The following ZNF385D variants were observed in gnomAD, a reference collection of about 807,000 sequenced individuals.
ZNF385D encodes zinc finger protein 385D, also known as zinc finger protein 659.
ZNF385D carries 15 observed loss-of-function variants against 35.8 expected under a neutral mutation model. That is an observed-to-expected ratio of 0.42 (90% CI 0.28 to 0.64). The LOEUF is 0.64. ZNF385D is among the 30% of genes least tolerant of loss of function. ZNF385D has a pLI of 0.23. For missense variants in ZNF385D, 474 were observed against 494.6 expected (o/e 0.96, Z 0.39); for synonymous variants, 212 against 186.8 (o/e 1.13, Z -1.10).
chr3:21,604,717 T>C (rs1264440526), intron 2 of ZNF385D, among the ~76,000 whole-genome samples: 2 of 151,870 alleles, frequency 1.3e-5, no homozygotes, highest in Admixed American at 6.6e-5. Flanking sequence ...GGAAACTAGG[T>C]TGTAAGAGTC....
intron 3 of ZNF385D, among the ~76,000 whole-genome samples, chr3:21,973,298 T>G (rs907413716): frequency 6.6e-6 from 1 of 151,884 alleles, no homozygotes; most frequent in African/African-American, 2.4e-5. Context: ...CTTATATCAG[T>G]AGAATGAAGG....
chr3:22,068,193 T>C (rs1170288698), intron 3 of ZNF385D, among the ~76,000 whole-genome samples: 4 of 152,142 alleles, frequency 2.6e-5, no homozygotes, highest in African/African-American at 7.2e-5. Flanking sequence ...AGTTGTAACA[T>C]TGTTCTCTTA....
intron 3 of ZNF385D, among the ~76,000 whole-genome samples, chr3:22,161,843 A>C (rs1705974685): frequency 6.6e-6 from 1 of 152,156 alleles, no homozygotes; most frequent in Admixed American, 6.6e-5. Flanking sequence ...AAATACCCAA[A>C]TGTATGGTAT....
intron 3 of ZNF385D, among the ~76,000 whole-genome samples, chr3:22,126,406 C>T (rs528747655): frequency 2.3e-5 from 3 of 129,568 alleles, no homozygotes; most frequent in Non-Finnish European, 4.8e-5. Flanking sequence ...TTTCCATTTT[C>T]ATTTACCTCA....
At chr3:21,644,689 A>C (rs750458420) in intron 2 of ZNF385D, among the ~76,000 whole-genome samples, 5 of 152,196 alleles carry the variant, frequency 3.3e-5, no homozygotes, top group Non-Finnish European at 7.3e-5. Context: ...TTTACAATAC[A>C]TACAACGGAG....
At chr3:22,194,007 T>C (rs1053383436) in intron 2 of ZNF385D, among the ~76,000 whole-genome samples, 24 of 151,920 alleles carry the variant, frequency 1.6e-4, no homozygotes, top group Non-Finnish European at 8.8e-5. Flanking sequence ...GCTATGACAA[T>C]TTTTATTTTT....
chr3:21,564,535 A>T, intron 3 of ZNF385D, 39 bp downstream of exon 3: 1 of 1,130,026 alleles, frequency 8.8e-7, no homozygotes, highest in Non-Finnish European at 1.2e-6. Flanking sequence ...AGCAAAATGT[A>T]TTTTTTTTTT....
intron 3 of ZNF385D, among the ~76,000 whole-genome samples, chr3:21,783,207 T>A (rs1404595338): frequency 6.6e-6 from 1 of 152,122 alleles, no homozygotes; most frequent in Non-Finnish European, 1.5e-5. Context: ...CTGAAACAAC[T>A]TGAAAAATGA....
intron 1 of ZNF385D, among the ~76,000 whole-genome samples, chr3:21,689,276 G>A (rs1319314160): frequency 6.6e-6 from 1 of 151,922 alleles, no homozygotes; most frequent in Non-Finnish European, 1.5e-5. Context: ...TGTTTACCTT[G>A]TGCATCACCA....
intron 2 of ZNF385D, among the ~76,000 whole-genome samples, chr3:22,317,745 G>T (rs1217821082): frequency 6.6e-6 from 1 of 152,098 alleles, no homozygotes; most frequent in Admixed American, 6.6e-5. Flanking sequence ...TAATAAATTT[G>T]CATCACTTTT....
intron 2 of ZNF385D, among the ~76,000 whole-genome samples, chr3:22,292,532 T>C (rs1702352294): frequency 6.6e-6 from 1 of 152,102 alleles, no homozygotes; most frequent in South Asian, 2.1e-4. Context: ...GTGAGAGATT[T>C]TGTAGACCTC....
intron 3 of ZNF385D, among the ~76,000 whole-genome samples, chr3:22,047,303 G>A (rs1379016681): frequency 2.0e-5 from 3 of 151,968 alleles, no homozygotes; most frequent in Admixed American, 2.0e-4. Flanking sequence ...CAATTTTCAA[G>A]TATATAATAT....
chr3:22,259,100 C>T (rs1482608014), intron 2 of ZNF385D, among the ~76,000 whole-genome samples: 1 of 151,880 alleles, frequency 6.6e-6, no homozygotes, highest in Non-Finnish European at 1.5e-5. Flanking sequence ...CTACCTTGCT[C>T]TTTGAGTAAA....
At chr3:21,476,557 T>TA (rs1491224767) in intron 4 of ZNF385D, among the ~76,000 whole-genome samples, 1 of 151,458 alleles carries the variant, frequency 6.6e-6, no homozygotes, top group African/African-American at 2.4e-5. Context: ...CAGGGTGGGG[T>TA]ATGTGTGTGT....
intron 2 of ZNF385D, among the ~76,000 whole-genome samples, chr3:22,331,543 A>G (rs1490888227): frequency 6.6e-6 from 1 of 152,176 alleles, no homozygotes; most frequent in African/African-American, 2.4e-5. Flanking sequence ...TTTCATTAAC[A>G]CCCATGCTGT....
chr3:21,772,580 G>C (rs1432877366), intron 3 of ZNF385D, among the ~76,000 whole-genome samples: 1 of 151,874 alleles, frequency 6.6e-6, no homozygotes, highest in Admixed American at 6.6e-5. Flanking sequence ...AAGAGGAGGA[G>C]AAATTGAAAC....
Position 21,723,289 on chromosome 3 carries a change from A to G in ZNF385D, c.22+27606T>C, listed in dbSNP as rs186860128. On this transcript the variant is annotated intron_variant, in intron 1 of 7. Transcript: ENST00000281523. Reference sequence around the variant, plus strand: ...CTCGCCAGCAAGGAAACAAAACTGCATGGAGAATAAGTTTGACAAATTGAC... The same window carrying G: ...CTCGCCAGCAAGGAAACAAAACTGCGTGGAGAATAAGTTTGACAAATTGAC... Among the ~76,000 whole-genome samples, 527 of 152,316 alleles carry G rather than the reference A, an allele frequency of 3.5e-3. 4 individuals carry two copies. Among genetic ancestry groups the G allele is most frequent in the African/African-American group, 0.012 (499 of 41,568 alleles).
chr3:22,127,472 T>C (rs1423663779), intron 3 of ZNF385D, among the ~76,000 whole-genome samples: 3 of 151,456 alleles, frequency 2.0e-5, no homozygotes, highest in African/African-American at 7.3e-5. Flanking sequence ...CCCTAGTAGC[T>C]GGGATTACAA....
chr3:21,987,207 C>T lies in ZNF385D; in HGVS notation c.325+181610G>A, dbSNP rs1350448937. On this transcript the variant is annotated intron_variant, in intron 3 of 5. Transcript: ENST00000494108. ...CTGTTATGTGTGAATTTGATCCTGT[C>T]ATTATGATGTTAGCTGGTGATTTTG... 2.9e-5 allele frequency among the ~76,000 whole-genome samples: 4 copies of T among 138,370 alleles called. No homozygotes were observed. The East Asian group carries it at 8.1e-4, about 28-fold the overall frequency. 90.8% of individuals were successfully genotyped at this position (138,370 alleles called of 152,430 possible). A position where few individuals can be genotyped will look rare whatever the true frequency, so the allele number is the denominator to read the frequency against.
Sources: gnomAD v4.1 joint callset for allele counts (sites outside exome capture counted in the v4.1 genomes callset) on GRCh38, gnomAD v4.1.1 for gene constraint, MANE v1.5 for transcripts, NCBI Gene and HGNC (gene_info 2026-07-23, HGNC 2026-07-21) for gene names.